Variants in SMAD9 observed in about 807,000 individuals in gnomAD.
SMAD9 encodes the protein SMAD family member 9.
A neutral mutation model predicts 46.1 loss-of-function variants in SMAD9; 36 were observed. That is an observed-to-expected ratio of 0.78 (90% CI 0.60 to 1.03). The LOEUF is 1.03. Among genes scored for constraint, SMAD9 ranks in the 50% least tolerant of loss-of-function variants. SMAD9 has a pLI of 0.00. For missense variants in SMAD9, 572 were observed against 599.8 expected (o/e 0.95, Z 0.48); for synonymous variants, 245 against 237.1 (o/e 1.03, Z -0.31).
Position 36,889,219 on chromosome 13 carries a change from G to A in SMAD9, c.-186-9344C>T, listed in dbSNP as rs74327561. Among the ~76,000 whole-genome samples, 144 of 152,216 alleles carry A rather than the reference G, an allele frequency of 9.5e-4. No individual in the cohort carries two copies. In the East Asian group the frequency reaches 0.025, roughly 26 times the overall value. ...CAGTATAATATGATTAGTGTCTCTGGGGTGCCCACATATTCTGGTCCAGCT... is the reference window on the plus strand; with the variant it reads ...CAGTATAATATGATTAGTGTCTCTGAGGTGCCCACATATTCTGGTCCAGCT... On this transcript the variant is annotated intron_variant, in intron 1 of 6. Coordinates refer to ENST00000379826, the MANE Select transcript of SMAD9 (RefSeq NM_001127217.3).
At chr13:36,867,751 G>A (rs1311299718) in intron 3 of SMAD9, among the ~76,000 whole-genome samples, 1 of 152,200 alleles carries the variant, frequency 6.6e-6, no homozygotes, top group Non-Finnish European at 1.5e-5. Flanking sequence ...CTTCTTTGAA[G>A]TGAGCTTAAT....
rs141672146 is a variant in SMAD9, at chr13:36,872,658, C to T, written c.670G>A (p.Val224Ile). ...SEPESPYQHSVDTPPLPYHAT... is the reference protein window; with the variant it reads ...SEPESPYQHSIDTPPLPYHAT... ...CCCACAGACCATAGTTCTTACTGAC[C>T]TGAGTGTTGATAGGGACTCTCTGGC... is the stretch of plus-strand genomic sequence containing the variant. Residue 224 changes from valine (V) to isoleucine (I), a missense_variant and splice_region_variant, in exon 3 of 7, where the codon GTT (valine) becomes ATT (isoleucine). Coordinates refer to ENST00000379826, the MANE Select transcript of SMAD9 (RefSeq NM_001127217.3). The T allele has an allele frequency of 1.2e-6, 2 of 1,613,838 alleles. No individual in the cohort carries two copies. The highest frequency in any genetic ancestry group is 1.3e-5 in the African/African-American group (1 of 74,892).
intron 5 of SMAD9, among the ~76,000 whole-genome samples, chr13:36,854,022 G>T (rs901225816): frequency 6.6e-6 from 1 of 152,126 alleles, no homozygotes; most frequent in African/African-American, 2.4e-5. Flanking sequence ...AACCAGGCAT[G>T]GTGGTGGGCA....
chr13:36,848,798 G>A lies in SMAD9; in HGVS notation c.1282C>T (p.Arg428Cys), dbSNP rs1286688113. The change falls in exon 7 of 7, where the codon CGC becomes TGC. Residue 428 changes from arginine to cysteine, a missense_variant. Transcript: ENST00000379826. ...CAGGGGGTGCTGGTGACATCCTGGC[G>A]ATGATACTCAGCACCCCAACCCTGA... ...FVKGWGAEYH[R>C]QDVTSTPCWI... 9.3e-6 allele frequency: 15 copies of A among 1,613,912 alleles called. No individual in the cohort carries two copies. The highest frequency in any genetic ancestry group is 1.1e-5 in the Non-Finnish European group (13 of 1,179,974).
chr13:36,867,397 G>A lies in SMAD9; in HGVS notation c.671-14C>T. ...GTGGTGTGTCAACTAAAAGAAAGCA[G>A]TAGAACAAAGGAATTGTCAAATCGA... is the stretch of plus-strand genomic sequence containing the variant. On this transcript the variant is annotated splice_polypyrimidine_tract_variant and intron_variant, in intron 3 of 6. Coordinates refer to ENST00000379826, the MANE Select transcript of SMAD9 (RefSeq NM_001127217.3). 6.7e-7 allele frequency: 1 copy of A among 1,490,114 alleles called. No homozygotes were observed. 92.3% of individuals were successfully genotyped at this position (1,490,114 alleles called of 1,614,324 possible).
chr13:36,912,059 G>C (rs886098899), intron 1 of SMAD9, among the ~76,000 whole-genome samples: 1 of 152,150 alleles, frequency 6.6e-6, no homozygotes, highest in African/African-American at 2.4e-5. Flanking sequence ...CAGTGGAGAT[G>C]GTGTGTCAAC....
chr13:36,914,627 G>A (rs767736555), intron 1 of SMAD9, among the ~76,000 whole-genome samples: 1 of 152,226 alleles, frequency 6.6e-6, no homozygotes, highest in African/African-American at 2.4e-5. Flanking sequence ...AAAGAAAGGA[G>A]CAAGATGAAT....
At chr13:36,859,982 A>C (rs937527965) in intron 5 of SMAD9, among the ~76,000 whole-genome samples, 2 of 152,136 alleles carry the variant, frequency 1.3e-5, no homozygotes, top group Non-Finnish European at 2.9e-5. Context: ...GAAAAAAGAA[A>C]AAAAAGAAAT....
intron 6 of SMAD9, chr13:36,852,183 A>T: frequency 1.2e-6 from 1 of 858,200 alleles, no homozygotes; most frequent in Non-Finnish European, 1.4e-6. Flanking sequence ...CTTACTTTTT[A>T]AATAATTACT....
At chr13:36,860,597 C>T (rs1258611014) in intron 5 of SMAD9, among the ~76,000 whole-genome samples, 1 of 151,780 alleles carries the variant, frequency 6.6e-6, no homozygotes, top group Non-Finnish European at 1.5e-5. Flanking sequence ...CTACAGGTGC[C>T]TGCCACCACG....
chr13:36,897,742 C>T lies in SMAD9; in HGVS notation c.-186-17867G>A, dbSNP rs549106. On this transcript the variant is annotated intron_variant, in intron 1 of 6. Transcript: ENST00000379826. ...GGGTAAAAAAGGTATAATGCATTTGCATTTTCAGTTATAATTGCTCAATTC... is the reference window on the plus strand; with the variant it reads ...GGGTAAAAAAGGTATAATGCATTTGTATTTTCAGTTATAATTGCTCAATTC... Among the ~76,000 whole-genome samples, 1,079 of 151,534 alleles carry T rather than the reference C, an allele frequency of 7.1e-3. 12 individuals are homozygous for T. The highest frequency in any genetic ancestry group is 0.025 in the African/African-American group (1,038 of 41,308).
At position 36,897,849 on chromosome 13, in the gene SMAD9, CTTTTTTT is replaced by C. The variant is rs574741770; in HGVS notation, c.-186-17981_-186-17975del. ...CCAAGGTAACAGAAATGTCCTGTGTCTTTTTTTTTTTTTTTTTTTTTTTTTGAGACAG... is the reference window on the plus strand; with the variant it reads ...CCAAGGTAACAGAAATGTCCTGTGTCTTTTTTTTTTTTTTTTTTGAGACAG... On this transcript the variant is annotated intron_variant, in intron 1 of 6. Coordinates refer to ENST00000379826, the MANE Select transcript of SMAD9 (RefSeq NM_001127217.3). Among the ~76,000 whole-genome samples the C allele has an allele frequency of 1.3e-4, 12 of 90,018 alleles. No homozygotes were observed. In the East Asian group the frequency reaches 1.4e-3, roughly 11 times the overall value. The allele number at this position is 90,018 out of a possible 152,430, so 59.1% of individuals were successfully genotyped here.
At chr13:36,887,981 A>C (rs187366158) in intron 1 of SMAD9, among the ~76,000 whole-genome samples, 1 of 152,114 alleles carries the variant, frequency 6.6e-6, no homozygotes, top group South Asian at 2.1e-4. Flanking sequence ...TGCATAGAAA[A>C]CAAAAGGCAA....
At chr13:36,860,519 G>C (rs1440232633) in intron 5 of SMAD9, among the ~76,000 whole-genome samples, 1 of 148,612 alleles carries the variant, frequency 6.7e-6, no homozygotes, top group Non-Finnish European at 1.5e-5. Context: ...GCACCAACTC[G>C]GCTCACTGCA....
intron 6 of SMAD9, chr13:36,851,671 C>G (rs758115713): frequency 2.2e-6 from 2 of 893,602 alleles, no homozygotes; most frequent in Non-Finnish European, 2.7e-6. Context: ...TGAAAGAAAC[C>G]TTAAAGAGAT....
intron 1 of SMAD9, among the ~76,000 whole-genome samples, chr13:36,914,245 C>T (rs192945653): frequency 6.6e-6 from 1 of 152,184 alleles, no homozygotes; most frequent in African/African-American, 2.4e-5. Context: ...TCGGGCCAGG[C>T]GCGGTGGATC....
intron 2 of SMAD9, among the ~76,000 whole-genome samples, chr13:36,877,793 C>T (rs1193452005): frequency 6.6e-6 from 1 of 152,160 alleles, no homozygotes; most frequent in Non-Finnish European, 1.5e-5. Context: ...CATCCACACA[C>T]AGGTAGATGT....
intron 1 of SMAD9, among the ~76,000 whole-genome samples, 174 bp downstream of exon 1, chr13:36,919,942 T>C (rs1405184080): frequency 6.0e-5 from 9 of 150,062 alleles, no homozygotes; most frequent in Non-Finnish European, 1.3e-4. Context: ...ACGAACAACT[T>C]CGCCCTCCAC....
chr13:36,879,192 G>T, intron 2 of SMAD9, 86 bp downstream of exon 2: 1 of 1,191,112 alleles, frequency 8.4e-7, no homozygotes, highest in Non-Finnish European at 1.2e-6. Context: ...AGAGGTCCCT[G>T]TCTGCTGGTG....
Sources: gnomAD v4.1 joint callset for allele counts (sites outside exome capture counted in the v4.1 genomes callset) on GRCh38, gnomAD v4.1.1 for gene constraint, MANE v1.5 for transcripts, NCBI Gene and HGNC (gene_info 2026-07-23, HGNC 2026-07-21) for gene names.